EIF4EBP1: variants seen among roughly 807,000 people sequenced by gnomAD.
The protein encoded by EIF4EBP1 is eukaryotic translation initiation factor 4E binding protein 1, also known as eukaryotic translation initiation factor 4E-binding protein 1.
Under a neutral mutation model 9.2 loss-of-function variants are expected in EIF4EBP1, and 5 were observed. The ratio of observed to expected loss-of-function variants is 0.54; its 90% confidence interval spans 0.28 to 1.14. EIF4EBP1 has a LOEUF of 1.14. Ranked by LOEUF, EIF4EBP1 falls within the 50% of genes most tolerant of loss-of-function variation. The pLI is 0.09. For synonymous variants in EIF4EBP1, 62 were observed against 67.0 expected, an observed-to-expected ratio of 0.93 and a Z score of 0.36; for missense variants, 139 against 169.6, an observed-to-expected ratio of 0.82 and a Z score of 1.00.
chr8:38,052,027 G>A (rs192856207), intron 1 of EIF4EBP1, among the ~76,000 whole-genome samples: 224 of 152,246 alleles, frequency 1.5e-3, no homozygotes, highest in Non-Finnish European at 1.7e-3. Flanking sequence ...GCGCCCAGCC[G>A]TAGCCCCCAC....
chr8:38,032,761 A>T (rs957772350), intron 1 of EIF4EBP1, among the ~76,000 whole-genome samples: 17 of 152,230 alleles, frequency 1.1e-4, no homozygotes, highest in African/African-American at 4.1e-4. Context: ...TACAGCTCAC[A>T]GTCCCTAAGC....
chr8:38,030,861 C>A, intron 1 of EIF4EBP1, 143 bp downstream of exon 1: 1 of 1,251,298 alleles, frequency 8.0e-7, no homozygotes, highest in Non-Finnish European at 1.0e-6. Flanking sequence ...CAGCGAGGGT[C>A]ATGGAAGTGG....
At chr8:38,058,161 C>CT (rs1809622540) in intron 2 of EIF4EBP1, among the ~76,000 whole-genome samples, 1 of 152,156 alleles carries the variant, frequency 6.6e-6, no homozygotes, top group African/African-American at 2.4e-5. Flanking sequence ...GTGTCTTAGT[C>CT]TGTTTTTTTA....
At chr8:38,057,707 C>T (rs973298369) in intron 2 of EIF4EBP1, among the ~76,000 whole-genome samples, 24 of 152,120 alleles carry the variant, frequency 1.6e-4, no homozygotes, top group African/African-American at 5.8e-4. Flanking sequence ...GAAATACATC[C>T]GGGATGCCTC....
chr8:38,043,549 G>T (rs1444716929), intron 1 of EIF4EBP1, among the ~76,000 whole-genome samples: 1 of 151,944 alleles, frequency 6.6e-6, no homozygotes, highest in Admixed American at 6.6e-5. Flanking sequence ...GTTTCAACAC[G>T]TTGGCATGCT....
intron 1 of EIF4EBP1, among the ~76,000 whole-genome samples, chr8:38,052,181 A>G (rs1809534301): frequency 1.3e-5 from 2 of 151,616 alleles, no homozygotes; most frequent in South Asian, 4.2e-4. Context: ...TCGTGTTTCC[A>G]TTTCCTGACC....
intron 1 of EIF4EBP1, among the ~76,000 whole-genome samples, chr8:38,041,616 G>A (rs959955857): frequency 3.9e-5 from 6 of 152,198 alleles, no homozygotes; most frequent in Admixed American, 1.3e-4. Flanking sequence ...CAGGGTTAAA[G>A]AACAAAGGAC....
At position 38,034,984 on chromosome 8, in the gene EIF4EBP1, G is replaced by A. The variant is rs533838370; in HGVS notation, c.145+4266G>A. On this transcript the variant is annotated intron_variant, in intron 1 of 2. Coordinates refer to ENST00000338825, the MANE Select transcript of EIF4EBP1 (RefSeq NM_004095.4). ...AAAGTGTTTGAAGGAGCTGGGTGCG[G>A]TGGCTCACTCCTGTAATCCCAGCTA... Among the ~76,000 whole-genome samples, 8 of 152,280 alleles carry A rather than the reference G, an allele frequency of 5.3e-5. No homozygotes were observed. The East Asian group carries it at 1.4e-3, about 26-fold the overall frequency.
chr8:38,057,109 C>G lies in EIF4EBP1; in HGVS notation c.174C>G (p.Phe58Leu), dbSNP rs760421570. The part of the protein sequence containing the change: ...GGTRIIYDRK[F>L]LMECRNSPVT... ...CCAGGATCATCTATGACCGGAAATT[C>G]CTGATGGAGTGTCGGAACTCACCTG... Residue 58 changes from phenylalanine to leucine, a missense_variant, in exon 2 of 3, where the codon TTC becomes TTG. Phe to Leu is a conservative substitution (Grantham distance 22). Coordinates refer to ENST00000338825, the MANE Select transcript of EIF4EBP1 (RefSeq NM_004095.4). 6 of 1,614,194 alleles carry G rather than the reference C, an allele frequency of 3.7e-6. No individual in the cohort carries two copies. In the South Asian group the frequency reaches 6.6e-5, roughly 18 times the overall value.
intron 1 of EIF4EBP1, among the ~76,000 whole-genome samples, chr8:38,033,037 C>A (rs1044388891): frequency 1.3e-5 from 2 of 151,036 alleles, no homozygotes; most frequent in African/African-American, 4.9e-5. Flanking sequence ...GAACTAGATT[C>A]AGCATTTCTT....
intron 1 of EIF4EBP1, among the ~76,000 whole-genome samples, chr8:38,034,720 A>G (rs1230059471): frequency 6.6e-6 from 1 of 152,198 alleles, no homozygotes; most frequent in Non-Finnish European, 1.5e-5. Flanking sequence ...TTAAGCAAAC[A>G]AGGTCTGTGC....
chr8:38,044,212 A>G lies in EIF4EBP1; in HGVS notation c.146-12869A>G, dbSNP rs1196382316. On this transcript the variant is annotated intron_variant, in intron 1 of 2. Transcript: ENST00000338825. ...CACTAAGCCTCACGTCCCCACATCC[A>G]ATGGAAGAATGCTTCTGCCAAAGGA... is the stretch of plus-strand genomic sequence containing the variant. 4.6e-5 allele frequency among the ~76,000 whole-genome samples: 7 copies of G among 151,562 alleles called. No individual in the cohort carries two copies. In the Admixed American group the frequency reaches 4.6e-4, roughly 10 times the overall value.
intron 1 of EIF4EBP1, among the ~76,000 whole-genome samples, chr8:38,045,657 A>T (rs1809439695): frequency 6.6e-6 from 1 of 152,126 alleles, no homozygotes; most frequent in African/African-American, 2.4e-5. Context: ...GTAAGCCAAG[A>T]TCACACTATT....
intron 1 of EIF4EBP1, among the ~76,000 whole-genome samples, chr8:38,050,028 C>T (rs1445286929): frequency 6.6e-6 from 1 of 151,938 alleles, no homozygotes; most frequent in Non-Finnish European, 1.5e-5. Context: ...TCTCGTGCCT[C>T]AGCCTCCTGA....
chr8:38,032,266 AT>A (rs1426938598), intron 1 of EIF4EBP1, among the ~76,000 whole-genome samples: 1 of 142,706 alleles, frequency 7.0e-6, no homozygotes, highest in East Asian at 2.1e-4. Flanking sequence ...TAATGCCAGC[AT>A]TTTGGGGAGC....
At chr8:38,034,811 G>T (rs747007718) in intron 1 of EIF4EBP1, among the ~76,000 whole-genome samples, 4 of 152,204 alleles carry the variant, frequency 2.6e-5, no homozygotes, top group African/African-American at 9.6e-5. Flanking sequence ...TGTAGGCTGG[G>T]CACCAAAGCC....
chr8:38,051,990 T>G (rs1809530618), intron 1 of EIF4EBP1, among the ~76,000 whole-genome samples: 1 of 152,132 alleles, frequency 6.6e-6, no homozygotes, highest in East Asian at 1.9e-4. Flanking sequence ...CCTCCCAAAC[T>G]GTTGGGATTT....
At chr8:38,033,538 G>A (rs1276050900) in intron 1 of EIF4EBP1, among the ~76,000 whole-genome samples, 1 of 151,554 alleles carries the variant, frequency 6.6e-6, no homozygotes, top group Non-Finnish European at 1.5e-5. Flanking sequence ...ATCGTGGTGT[G>A]GAGAGCCAGG....
chr8:38,040,020 C>G (rs1425554694), intron 1 of EIF4EBP1, among the ~76,000 whole-genome samples: 1 of 152,116 alleles, frequency 6.6e-6, no homozygotes, highest in Non-Finnish European at 1.5e-5. Context: ...TCCCGAGTAG[C>G]TGGGACCACA....
Sources: allele counts gnomAD v4.1 joint callset (sites outside exome capture counted in the v4.1 genomes callset), GRCh38; gene constraint gnomAD v4.1.1; transcripts MANE v1.5; gene names NCBI Gene and HGNC (gene_info 2026-07-23, HGNC 2026-07-21).